Variants in FBN2 observed in about 807,000 individuals in gnomAD.
FBN2 encodes fibrillin-2.
Under a neutral mutation model 355.6 loss-of-function variants are expected in FBN2, and 105 were observed. The observed-to-expected ratio is 0.30, with a 90% confidence interval of 0.25 to 0.35. FBN2 has a LOEUF of 0.35. Ranked by LOEUF, FBN2 falls within the 10% of genes least tolerant of loss-of-function variation. The pLI, the probability that FBN2 is intolerant of heterozygous loss-of-function variation, is 1.00. For missense variants in FBN2, 3,280 were observed against 3,758.7 expected (o/e 0.87, Z 3.33); for synonymous variants, 1,350 against 1,301.2 (o/e 1.04, Z -0.81).
intron 34 of FBN2, among the ~76,000 whole-genome samples, chr5:128,319,405 T>C (rs1313479449): frequency 6.7e-6 from 1 of 149,614 alleles, no homozygotes; most frequent in Non-Finnish European, 1.5e-5. Context: ...AGTTAATAAA[T>C]GTTTTATATT....
In FBN2 at chr5:128,289,181, G is replaced by T. The variant is rs886059896; in HGVS notation, c.6583C>A (p.Arg2195Ser). 1 of 1,613,964 alleles carries T rather than the reference G, an allele frequency of 6.2e-7. No individual in the cohort carries two copies. Among genetic ancestry groups the T allele is most frequent in the East Asian group, 2.2e-5 (1 of 44,884 alleles). ...TTGTAGCCCATTGGACATTCACAGC[G>T]AAAAGATCCGTCGGTGTTGATACAT... ...GQCINTDGSF[R>S]CECPMGYNLD... The change falls in exon 52 of 65, where the codon CGC becomes AGC. Residue 2195 changes from arginine to serine, a missense_variant. By Grantham distance (110) the Arg-to-Ser change is moderately radical. Transcript: ENST00000262464.
At chr5:128,383,177 G>A (rs1424973668) in intron 11 of FBN2, among the ~76,000 whole-genome samples, 6 of 152,094 alleles carry the variant, frequency 3.9e-5, no homozygotes, top group Non-Finnish European at 4.4e-5. Context: ...TCAGAGCTGA[G>A]AGTCCAGAAA....
intron 11 of FBN2, among the ~76,000 whole-genome samples, chr5:128,390,011 T>G (rs1204177289): frequency 6.6e-6 from 1 of 151,230 alleles, no homozygotes; most frequent in Non-Finnish European, 1.5e-5. Flanking sequence ...TCTATGGAGT[T>G]TTTTTTTTAA....
At chr5:128,317,223 G>C (rs896463509) in intron 36 of FBN2, among the ~76,000 whole-genome samples, 10 of 152,016 alleles carry the variant, frequency 6.6e-5, no homozygotes, top group African/African-American at 2.4e-4. Flanking sequence ...AATTCTGTTT[G>C]TTCTTGCTTT....
Position 128,416,311 on chromosome 5 carries a change from C to A in FBN2, c.953-7512G>T, listed in dbSNP as rs188433564. Among the ~76,000 whole-genome samples, 920 of 152,358 alleles carry A rather than the reference C, an allele frequency of 6.0e-3. 15 individuals carry two copies. The highest frequency in any genetic ancestry group is 0.021 in the African/African-American group (883 of 41,584). ...AAGTGTTGGGATTACAGGCGTGAGC[C>A]ACTGAGCCCGAACCCATAGTTTGCA... On this transcript the variant is annotated intron_variant, in intron 7 of 64. Coordinates refer to ENST00000262464, the MANE Select transcript of FBN2 (RefSeq NM_001999.4).
chr5:128,330,437 T>C (rs1293902373), intron 33 of FBN2, 136 bp downstream of exon 33: 2 of 841,608 alleles, frequency 2.4e-6, no homozygotes, highest in South Asian at 1.5e-5. Context: ...GAAAGATACA[T>C]AGTCACCTGC....
chr5:128,478,225 T>C (rs1422167324), intron 5 of FBN2, among the ~76,000 whole-genome samples: 2 of 152,206 alleles, frequency 1.3e-5, no homozygotes, highest in Non-Finnish European at 1.5e-5. Flanking sequence ...CAGACAATAC[T>C]GGCCAAGTGT....
chr5:128,330,084 T>G (rs925278231), intron 33 of FBN2, among the ~76,000 whole-genome samples: 2 of 152,218 alleles, frequency 1.3e-5, no homozygotes, highest in African/African-American at 4.8e-5. Context: ...AGTGATTGGA[T>G]AGGTCATATA....
intron 61 of FBN2, 68 bp from the exon 62 acceptor site, chr5:128,272,186 C>A: frequency 6.4e-7 from 1 of 1,571,964 alleles, no homozygotes. Flanking sequence ...GCACTCCAAA[C>A]GAAACCTGGG....
chr5:128,499,764 A>T (rs1000851338), intron 5 of FBN2, among the ~76,000 whole-genome samples: 13 of 151,912 alleles, frequency 8.6e-5, no homozygotes, highest in Admixed American at 3.9e-4. Flanking sequence ...TTCTAACTAA[A>T]CTCTCTACTG....
chr5:128,378,349 AG>A (rs1752141673), intron 12 of FBN2, among the ~76,000 whole-genome samples: 1 of 152,188 alleles, frequency 6.6e-6, no homozygotes, highest in African/African-American at 2.4e-5. Flanking sequence ...GAGATGAATC[AG>A]CAATGAGGTA....
In FBN2 at chr5:128,309,972, T is replaced by G. The variant is rs863223545; in HGVS notation, c.5200+11A>C. 60 of 1,613,498 alleles carry G rather than the reference T, an allele frequency of 3.7e-5. No individual in the cohort carries two copies. The highest frequency in any genetic ancestry group is 4.8e-5 in the Non-Finnish European group (57 of 1,179,610). On this transcript the variant is annotated intron_variant, in intron 40 of 64. Transcript: ENST00000262464. The stretch of plus-strand genomic sequence containing the variant: ...ACTGTGCTCTAATTAATCTCAGAGT[T>G]CTTTACCTACCCATGCAGTTGTGGC...
chr5:128,334,219 G>C (rs1750772335), intron 31 of FBN2, among the ~76,000 whole-genome samples: 1 of 151,974 alleles, frequency 6.6e-6, no homozygotes. Flanking sequence ...ACAGAGAAGA[G>C]AAGACAAAAG....
At chr5:128,469,292 A>T (rs919064330) in intron 5 of FBN2, among the ~76,000 whole-genome samples, 15 of 152,198 alleles carry the variant, frequency 9.9e-5, no homozygotes, top group Admixed American at 9.8e-4. Flanking sequence ...CATGTAAGAG[A>T]GGAGATTGGT....
In FBN2 at chr5:128,301,386, A is replaced by G. The variant is rs776192841; in HGVS notation, c.6042T>C (p.Cys2014=). 1 of 1,612,832 alleles carries G rather than the reference A, an allele frequency of 6.2e-7. No individual in the cohort carries two copies. The highest frequency in any genetic ancestry group is 1.1e-5 in the South Asian group (1 of 91,048). The stretch of plus-strand genomic sequence containing the variant: ...GCTTATTATTTAAATACTTACCTAT[A>G]CAGTTTTTGCCATCTGGGGTAAGTT... ...GYELTPDGKN[C]IDTNECVALP... The change falls in exon 47 of 65, where the codon TGT becomes TGC. Residue 2014 remains cysteine (C), a synonymous_variant. Coordinates refer to ENST00000262464, the MANE Select transcript of FBN2 (RefSeq NM_001999.4).
chr5:128,315,873 T>G (rs183647645), intron 36 of FBN2, among the ~76,000 whole-genome samples: 1 of 152,210 alleles, frequency 6.6e-6, no homozygotes, highest in African/African-American at 2.4e-5. Context: ...ACTTGCTGAT[T>G]CTGAAGTTTG....
rs111416764 is a variant in FBN2 at position 128,509,300 on chromosome 5, T to C, written c.628+9973A>G. 4.8e-4 allele frequency among the ~76,000 whole-genome samples: 73 copies of C among 152,270 alleles called. 1 individual carries two copies. The highest frequency in any genetic ancestry group is 1.6e-3 in the African/African-American group (66 of 41,572). ...AAGCCTTTTTTTCTTTGTGCTTTAT[T>C]TCAAATAATTTCTGTTGCTATGTTT... On this transcript the variant is annotated intron_variant, in intron 5 of 64. Transcript: ENST00000262464.
Position 128,264,440 on chromosome 5 carries a change from G to A in FBN2, c.7961-784C>T, listed in dbSNP as rs114370751. 1.6e-3 allele frequency among the ~76,000 whole-genome samples: 242 copies of A among 152,226 alleles called. 1 individual carries two copies. The highest frequency in any genetic ancestry group is 5.5e-3 in the African/African-American group (228 of 41,534). ...CATCAGCCAGCTATAGCTTTTACTC[G>A]CTTAATGACTAACATTATACTATAA... On this transcript the variant is annotated intron_variant, in intron 62 of 64. Transcript: ENST00000262464.
intron 5 of FBN2, among the ~76,000 whole-genome samples, chr5:128,469,475 G>A (rs1474778520): frequency 6.7e-6 from 1 of 148,244 alleles, no homozygotes; most frequent in African/African-American, 2.5e-5. Flanking sequence ...AGCTTGCAGT[G>A]AGCCAAGATC....
Sources: allele counts gnomAD v4.1 joint callset (sites outside exome capture counted in the v4.1 genomes callset), GRCh38; gene constraint gnomAD v4.1.1; transcripts MANE v1.5; gene names NCBI Gene and HGNC (gene_info 2026-07-23, HGNC 2026-07-21).